Variants in CFAP77 observed in about 807,000 individuals in gnomAD.
CFAP77 encodes the protein cilia and flagella associated protein 77.
CFAP77 carries 25 observed loss-of-function variants against 31.1 expected under a neutral mutation model. The observed-to-expected ratio is 0.80, with a 90% CI of 0.59 to 1.12. The LOEUF (loss-of-function observed/expected upper bound fraction) is 1.12, where lower values mean the gene tolerates loss of function less well. CFAP77 is among the 50% of genes most tolerant of loss of function. The pLI is 0.00. For missense variants in CFAP77, 377 were observed against 397.3 expected, an observed-to-expected ratio of 0.95 and a Z score of 0.44; for synonymous variants, 151 against 159.9, an observed-to-expected ratio of 0.94 and a Z score of 0.42.
intron 5 of CFAP77, among the ~76,000 whole-genome samples, chr9:132,567,289 G>A (rs563956650): frequency 2.0e-5 from 3 of 152,372 alleles, no homozygotes; most frequent in Admixed American, 1.3e-4. Context: ...TGAAGTGCAA[G>A]GGGTGTGTGC....
rs181403840 is a variant in CFAP77, at chr9:132,497,877, G to T, written c.196-818G>T. Among the ~76,000 whole-genome samples the T allele has an allele frequency of 3.9e-5, 6 of 152,298 alleles. No individual in the cohort carries two copies. The highest frequency in any genetic ancestry group is 1.4e-4 in the African/African-American group (6 of 41,554). On this transcript the variant is annotated intron_variant, in intron 1 of 5. Transcript: ENST00000393216. The surrounding 1 kb of genome is among the most constrained non-coding windows in gnomAD (Gnocchi z 4.9). ...AGGACAGGGTCTCTGACCTCGAGGA[G>T]CTGCTGTGATAAAGGGAGACCGCGT...
In CFAP77 at chr9:132,459,829, G is replaced by A. The variant is rs186482527; in HGVS notation, c.196-38866G>A. ...TGTGTATGTGTGTGTATGAGTGTGC[G>A]TATGTGTGGGAGTATTGTGAGTCTG... On this transcript the variant is annotated intron_variant, in intron 1 of 5. Transcript: ENST00000393216. 1.2e-3 allele frequency among the ~76,000 whole-genome samples: 177 copies of A among 149,610 alleles called. 1 individual carries two copies. The highest frequency in any genetic ancestry group is 0.011 in the Middle Eastern group (3 of 270).
intron 1 of CFAP77, among the ~76,000 whole-genome samples, chr9:132,442,481 AG>A (rs1264001142): frequency 6.6e-6 from 1 of 151,738 alleles, no homozygotes; most frequent in Non-Finnish European, 1.5e-5. Flanking sequence ...TGAGCCCCGG[AG>A]GCAGAGGGTG....
chr9:132,559,094 C>T (rs1156587863), intron 5 of CFAP77, among the ~76,000 whole-genome samples: 1 of 151,714 alleles, frequency 6.6e-6, no homozygotes, highest in African/African-American at 2.4e-5. Context: ...CGCCTGTAAT[C>T]AGCACTTTGG....
At chr9:132,531,747 A>G (rs1852457506) in intron 3 of CFAP77, among the ~76,000 whole-genome samples, 1 of 152,164 alleles carries the variant, frequency 6.6e-6, no homozygotes, top group African/African-American at 2.4e-5. Flanking sequence ...GCCCCAGCAG[A>G]AGGGGCACAG....
chr9:132,561,647 A>ACACG, intron 5 of CFAP77, among the ~76,000 whole-genome samples: 1 of 105,286 alleles, frequency 9.5e-6, no homozygotes, highest in African/African-American at 7.4e-5. Context: ...ACACACACAC[A>ACACG]CACACACACA....
At chr9:132,561,821 G>T (rs1162106618) in intron 5 of CFAP77, among the ~76,000 whole-genome samples, 3 of 152,230 alleles carry the variant, frequency 2.0e-5, no homozygotes, top group Non-Finnish European at 4.4e-5. Flanking sequence ...CAGAGGCGTC[G>T]GGTGGAGGCA....
chr9:132,427,555 C>T (rs1850337743), intron 1 of CFAP77, among the ~76,000 whole-genome samples: 1 of 152,078 alleles, frequency 6.6e-6, no homozygotes, highest in Non-Finnish European at 1.5e-5. Flanking sequence ...GCGGAGGTTG[C>T]AGTGAGCCGA....
intron 1 of CFAP77, among the ~76,000 whole-genome samples, chr9:132,456,527 G>A (rs908341046): frequency 3.3e-5 from 5 of 152,186 alleles, no homozygotes; most frequent in Non-Finnish European, 7.3e-5. Flanking sequence ...GGTGCACAGA[G>A]TCCTGGCCCT....
intron 1 of CFAP77, among the ~76,000 whole-genome samples, chr9:132,432,117 A>G (rs899423576): frequency 6.6e-6 from 1 of 152,242 alleles, no homozygotes; most frequent in Non-Finnish European, 1.5e-5. Flanking sequence ...AAATAATCAC[A>G]GATGTCTCGC....
intron 5 of CFAP77, among the ~76,000 whole-genome samples, chr9:132,547,848 CCT>C: frequency 6.6e-6 from 1 of 152,286 alleles, no homozygotes; most frequent in South Asian, 2.1e-4. Flanking sequence ...GCAGAAACTT[CCT>C]CAGGGCTCTC....
chr9:132,512,170 C>A (rs1282318779), intron 3 of CFAP77, among the ~76,000 whole-genome samples: 1 of 152,186 alleles, frequency 6.6e-6, no homozygotes, highest in Non-Finnish European at 1.5e-5. Flanking sequence ...GGGTCTCCGA[C>A]CTCCTCCAGC....
chr9:132,511,744 C>T lies in CFAP77; in HGVS notation c.524+12144C>T, dbSNP rs975387281. 3.9e-5 allele frequency among the ~76,000 whole-genome samples: 6 copies of T among 152,150 alleles called. No individual in the cohort carries two copies. The highest frequency in any genetic ancestry group is 1.3e-4 in the Admixed American group (2 of 15,274). On this transcript the variant is annotated intron_variant, in intron 3 of 5. Coordinates refer to ENST00000393216, the MANE Select transcript of CFAP77 (RefSeq NM_001282957.2). This position sits in a 1 kb window ranked among gnomAD's most constrained non-coding sequence, Gnocchi z 5.8. ...GGGGTTTCTGAAACAAATTACCACA[C>T]GTTCAATGGCTTAAAATAACAAAAA...
chr9:132,498,685 C>G lies in CFAP77; in HGVS notation c.196-10C>G. ...CTCCTCACCTCTGCTCTCTGTCCTT[C>G]CCCCGACAGGCTGAACTCGGCAAGC... On this transcript the variant is annotated splice_polypyrimidine_tract_variant and intron_variant, in intron 1 of 5. Coordinates refer to ENST00000393216, the MANE Select transcript of CFAP77 (RefSeq NM_001282957.2). This position sits in a 1 kb window ranked among gnomAD's most constrained non-coding sequence, Gnocchi z 4.2. The G allele has an allele frequency of 6.2e-7, 1 of 1,602,932 alleles. No homozygotes were observed. The highest frequency in any genetic ancestry group is 8.5e-7 in the Non-Finnish European group (1 of 1,172,510).
rs1469539742 is a variant in CFAP77, at chr9:132,456,328, T to TGTGCCTTGTCAC, written c.196-42360_196-42349dup. ...ATCTGCTGCCCCTCTCCCAGCCTCA[T>TGTGCCTTGTCAC]GTGCCTTGTCACGTGCCTGTGCCTG... On this transcript the variant is annotated intron_variant, in intron 1 of 5. Coordinates refer to ENST00000393216, the MANE Select transcript of CFAP77 (RefSeq NM_001282957.2). Among the ~76,000 whole-genome samples, 6 of 152,360 alleles carry TGTGCCTTGTCAC rather than the reference T, an allele frequency of 3.9e-5. 1 individual carries two copies. Among genetic ancestry groups the TGTGCCTTGTCAC allele is most frequent in the African/African-American group, 1.4e-4 (6 of 41,590 alleles).
chr9:132,438,541 A>ATATATATATAT, intron 1 of CFAP77, among the ~76,000 whole-genome samples: 1 of 108,154 alleles, frequency 9.2e-6, no homozygotes, highest in African/African-American at 4.1e-5. Flanking sequence ...ATATATATAT[A>ATATATATATAT]TTTTTTTTTT....
intron 3 of CFAP77, among the ~76,000 whole-genome samples, chr9:132,519,167 G>T (rs1049135156): frequency 6.6e-6 from 1 of 150,898 alleles, no homozygotes; most frequent in Non-Finnish European, 1.5e-5. Context: ...TGGATGGATA[G>T]GTGGGTGGGT....
intron 1 of CFAP77, among the ~76,000 whole-genome samples, chr9:132,419,388 A>G (rs1175070569): frequency 3.3e-5 from 5 of 152,184 alleles, no homozygotes; most frequent in African/African-American, 1.2e-4. Context: ...ACAGCGTCTA[A>G]GCTGTGCCGT....
Position 132,481,967 on chromosome 9 carries a change from G to A in CFAP77, c.196-16728G>A, listed in dbSNP as rs528706565. 0.02 allele frequency among the ~76,000 whole-genome samples: 2,984 copies of A among 151,458 alleles called. 113 individuals are homozygous for A. Among genetic ancestry groups the A allele is most frequent in the African/African-American group, 0.069 (2,850 of 41,312 alleles). ...GAACAAGGGTTTATGGTTGGGGGGG[G>A]GGGGGGCGGCGGAACACTGAACATT... is the stretch of plus-strand genomic sequence containing the variant. On this transcript the variant is annotated intron_variant, in intron 1 of 5. Transcript: ENST00000393216. This position sits in a 1 kb window ranked among gnomAD's most constrained non-coding sequence, Gnocchi z 5.0.
Sources: gnomAD v4.1 joint callset for allele counts (sites outside exome capture counted in the v4.1 genomes callset) on GRCh38, gnomAD v4.1.1 for gene constraint, Gnocchi (gnomAD v3.1) non-coding constraint, MANE v1.5 for transcripts, NCBI Gene and HGNC (gene_info 2026-07-23, HGNC 2026-07-21) for gene names.